The following MCC variants were observed in gnomAD, a reference collection of about 807,000 sequenced individuals.
MCC encodes MCC regulator of Wnt signaling pathway, also known as colorectal mutant cancer protein.
MCC carries 90 observed loss-of-function variants against 116.2 expected under a neutral mutation model. The observed-to-expected ratio is 0.77, with a 90% CI of 0.65 to 0.92. MCC has a LOEUF of 0.92. Ranked by LOEUF, MCC falls within the 40% of genes least tolerant of loss-of-function variation. The pLI, the probability that MCC is intolerant of heterozygous loss-of-function variation, is 0.00. For missense variants in MCC, 1,516 were observed against 1,312.2 expected (o/e 1.16, Z -2.40); for synonymous variants, 578 against 510.5 (o/e 1.13, Z -1.78).
rs1473243825 is a variant in MCC, at chr5:113,456,664, G to A, written c.170+31581C>T. ...TTTTTTTTTTTTTTAGTAGAGACGA[G>A]GCTTCACCATGTTAGCCAGGATGGT... On this transcript the variant is annotated intron_variant, in intron 1 of 18. Transcript: ENST00000408903. 4.2e-5 allele frequency among the ~76,000 whole-genome samples: 5 copies of A among 119,850 alleles called. No individual in the cohort carries two copies. The East Asian group carries it at 9.4e-4, about 23-fold the overall frequency. The allele number at this position is 119,850 out of a possible 152,430, so 78.6% of individuals were successfully genotyped here.
intron 4 of MCC, among the ~76,000 whole-genome samples, chr5:113,148,742 C>G (rs546026887): frequency 6.6e-6 from 1 of 152,042 alleles, no homozygotes; most frequent in African/African-American, 2.4e-5. Context: ...TTCATGTTCT[C>G]TTTCCTAGGT....
chr5:113,222,135 T>C (rs1394085878), intron 3 of MCC, among the ~76,000 whole-genome samples: 1 of 152,222 alleles, frequency 6.6e-6, no homozygotes, highest in Non-Finnish European at 1.5e-5. Flanking sequence ...AAATCATGAA[T>C]GCATGTTACA....
chr5:113,043,999 CAGAGA>C (rs67726467), intron 16 of MCC, among the ~76,000 whole-genome samples: 75,328 of 151,522 alleles, frequency 0.5, 18,957 homozygotes, highest in East Asian at 0.62. Flanking sequence ...AATGAAGGCA[CAGAGA>C]AGTTATGCGG....
chr5:113,268,075 T>C (rs1029619298), intron 3 of MCC, among the ~76,000 whole-genome samples: 2 of 152,128 alleles, frequency 1.3e-5, no homozygotes, highest in East Asian at 3.9e-4. Context: ...AGCCAACGAA[T>C]CTTCTATCTT....
chr5:113,168,877 T>C (rs1173286952), intron 3 of MCC, among the ~76,000 whole-genome samples: 1 of 152,160 alleles, frequency 6.6e-6, no homozygotes, highest in Non-Finnish European at 1.5e-5. Context: ...AAATTCAGGC[T>C]TGACTAGTAG....
intron 1 of MCC, among the ~76,000 whole-genome samples, chr5:113,424,455 C>T (rs1040448280): frequency 1.3e-5 from 2 of 152,232 alleles, no homozygotes; most frequent in East Asian, 3.9e-4. Context: ...TGGCTCACAC[C>T]TGTAATCCCA....
In MCC at chr5:113,158,079, C is replaced by T. The variant is rs140519754; in HGVS notation, c.628-6657G>A. 1.8e-4 allele frequency among the ~76,000 whole-genome samples: 27 copies of T among 152,284 alleles called. No individual in the cohort carries two copies. In the East Asian group the frequency reaches 4.1e-3, roughly 23 times the overall value. On this transcript the variant is annotated intron_variant, in intron 3 of 18. Coordinates refer to ENST00000408903, the MANE Select transcript of MCC (RefSeq NM_001085377.2). ...CCAGGTCGGACAAAGCAGCCCAGCA[C>T]GCAAATGCATCAGCCTACTCAAAAC...
rs112859187 is a variant in MCC at position 113,457,909 on chromosome 5, C to G, written c.170+30336G>C. ...GCTCAGGGTTTGTGAATGCACCAAT[C>G]GACACTCTGTATCTAGCTACTCTGG... On this transcript the variant is annotated intron_variant, in intron 1 of 18. Coordinates refer to ENST00000408903, the MANE Select transcript of MCC (RefSeq NM_001085377.2). Among the ~76,000 whole-genome samples the G allele has an allele frequency of 7.4e-5, 11 of 148,588 alleles. No individual in the cohort carries two copies. The South Asian group carries it at 1.3e-3, about 18-fold the overall frequency.
chr5:113,108,358 A>G (rs1397587631), intron 6 of MCC, among the ~76,000 whole-genome samples: 13 of 142,820 alleles, frequency 9.1e-5, no homozygotes, highest in African/African-American at 1.9e-4. Context: ...AAAAAAAAAA[A>G]AAAGAAAGGA....
At position 113,418,275 on chromosome 5, in the gene MCC, A is replaced by C. The variant is rs144660335; in HGVS notation, c.171-33063T>G. Among the ~76,000 whole-genome samples, 444 of 152,044 alleles carry C rather than the reference A, an allele frequency of 2.9e-3. 3 individuals are homozygous for C. Among genetic ancestry groups the C allele is most frequent in the Non-Finnish European group, 4.3e-3 (289 of 67,998 alleles). ...AACTTAAAAGTATAATAATAAAATA[A>C]AACAAAAATAAAAATAAAAAAGAAA... On this transcript the variant is annotated intron_variant, in intron 1 of 18. Coordinates refer to ENST00000408903, the MANE Select transcript of MCC (RefSeq NM_001085377.2).
At chr5:113,032,558 A>G (rs912409614) in intron 17 of MCC, among the ~76,000 whole-genome samples, 1 of 152,146 alleles carries the variant, frequency 6.6e-6, no homozygotes, top group Admixed American at 6.5e-5. Context: ...CATGCCTTGC[A>G]TTTGTGGATC....
intron 1 of MCC, among the ~76,000 whole-genome samples, chr5:113,409,630 G>A (rs255861): frequency 0.46 from 69,351 of 152,030 alleles, 17,803 homozygotes; most frequent in African/African-American, 0.69. Flanking sequence ...GGGATTACAG[G>A]CATGAGCCAG....
At chr5:113,395,154 C>T (rs1769492740) in intron 1 of MCC, among the ~76,000 whole-genome samples, 1 of 151,986 alleles carries the variant, frequency 6.6e-6, no homozygotes, top group Admixed American at 6.5e-5. Flanking sequence ...TAAATGAATA[C>T]GTGGGTAAAT....
chr5:113,445,274 A>G (rs943985397), intron 1 of MCC, among the ~76,000 whole-genome samples: 2 of 152,324 alleles, frequency 1.3e-5, no homozygotes, highest in East Asian at 3.9e-4. Flanking sequence ...AGTAAAAGGA[A>G]TCCAGATAGG....
At chr5:113,392,329 G>A (rs1769422434) in intron 1 of MCC, among the ~76,000 whole-genome samples, 1 of 152,124 alleles carries the variant, frequency 6.6e-6, no homozygotes, top group Non-Finnish European at 1.5e-5. Flanking sequence ...GATATAAAAA[G>A]ATTCCTAACC....
chr5:113,307,387 G>T (rs1280020735), intron 3 of MCC, among the ~76,000 whole-genome samples: 1 of 152,016 alleles, frequency 6.6e-6, no homozygotes, highest in Non-Finnish European at 1.5e-5. Context: ...TTATTCCTAA[G>T]TATTTTATTC....
chr5:113,422,666 C>A (rs1318658594), intron 1 of MCC, among the ~76,000 whole-genome samples: 4 of 152,048 alleles, frequency 2.6e-5, no homozygotes, highest in African/African-American at 9.7e-5. Context: ...ACTTGAAGAG[C>A]CGTGGAATCT....
At chr5:113,078,655 A>G (rs1754628281) in intron 11 of MCC, among the ~76,000 whole-genome samples, 1 of 152,222 alleles carries the variant, frequency 6.6e-6, no homozygotes, top group African/African-American at 2.4e-5. Context: ...GATGGGACGT[A>G]TCTCAAAATA....
chr5:113,208,214 A>G (rs1237349089), intron 3 of MCC, among the ~76,000 whole-genome samples: 1 of 152,146 alleles, frequency 6.6e-6, no homozygotes, highest in Non-Finnish European at 1.5e-5. Flanking sequence ...TATCTTCAAT[A>G]CCTAACATAG....
Sources: allele counts gnomAD v4.1 joint callset (sites outside exome capture counted in the v4.1 genomes callset), GRCh38; gene constraint gnomAD v4.1.1; transcripts MANE v1.5; gene names NCBI Gene and HGNC (gene_info 2026-07-23, HGNC 2026-07-21).